TNFAIP6: variants seen among roughly 807,000 people sequenced by gnomAD.
TNFAIP6 encodes the protein tumor necrosis factor-inducible gene 6 protein.
A neutral mutation model predicts 33.7 loss-of-function variants in TNFAIP6; 36 were observed. The ratio of observed to expected loss-of-function variants is 1.07; its 90% CI spans 0.82 to 1.41. The LOEUF (loss-of-function observed/expected upper bound fraction) is 1.41. Among genes scored for constraint, TNFAIP6 ranks in the 40% most tolerant of loss-of-function variants. The pLI, the probability that TNFAIP6 is intolerant of heterozygous loss-of-function variation, is 0.00. For missense variants in TNFAIP6, 273 were observed against 331.9 expected, an observed-to-expected ratio of 0.82 and a Z score of 1.38; for synonymous variants, 113 against 112.8, an observed-to-expected ratio of 1.00 and a Z score of -0.01.
In TNFAIP6 at chr2:151,366,343, A is replaced by G. The variant is rs999272943; in HGVS notation, c.394+126A>G. The stretch of plus-strand genomic sequence containing the variant: ...TTGGTAATAATAACTACTACTAATA[A>G]CTACAATTCATAAAGTGCTTATACT... On this transcript the variant is annotated intron_variant, in intron 3 of 5. Coordinates refer to ENST00000243347, the MANE Select transcript of TNFAIP6 (RefSeq NM_007115.4). 5.1e-6 allele frequency: 4 copies of G among 787,518 alleles called. No homozygotes were observed. In the African/African-American group the frequency reaches 7.0e-5, roughly 14 times the overall value. 48.8% of individuals were successfully genotyped at this position (787,518 alleles called of 1,614,324 possible). A position where few individuals can be genotyped will look rare whatever the true frequency, so the allele number is the denominator to read the frequency against.
chr2:151,376,418 C>CAAA (rs34551708), intron 5 of TNFAIP6, among the ~76,000 whole-genome samples: 1 of 114,850 alleles, frequency 8.7e-6, no homozygotes, highest in Non-Finnish European at 1.8e-5. Flanking sequence ...TATTCTGTCT[C>CAAA]AAAAAAAAAA....
At chr2:151,364,275 T>A (rs544706621) in intron 2 of TNFAIP6, among the ~76,000 whole-genome samples, 195 bp downstream of exon 2, 1 of 152,290 alleles carries the variant, frequency 6.6e-6, no homozygotes, top group African/African-American at 2.4e-5. Context: ...CACCAACTTA[T>A]GTGGAGTCTT....
In TNFAIP6 at chr2:151,379,452, C is replaced by T. The variant is rs1485515216; in HGVS notation, c.753C>T (p.Ser251=). 9 of 1,604,396 alleles carry T rather than the reference C, an allele frequency of 5.6e-6. No individual in the cohort carries two copies. Among genetic ancestry groups the T allele is most frequent in the Non-Finnish European group, 7.7e-6 (9 of 1,176,066 alleles). The part of the protein sequence containing the change: ...QIKYVAMDPV[S]KSSQGKNTST... ...AATATGTTGCAATGGATCCTGTATC[C>T]AAATCCAGTCAAGGAAAAAATACAA... is the stretch of plus-strand genomic sequence containing the variant. The change falls in exon 6 of 6, where the codon TCC becomes TCT. Residue 251 remains serine (S), a synonymous_variant. Coordinates refer to ENST00000243347, the MANE Select transcript of TNFAIP6 (RefSeq NM_007115.4).
At chr2:151,375,618 G>T (rs911675194) in intron 5 of TNFAIP6, among the ~76,000 whole-genome samples, 5 of 151,716 alleles carry the variant, frequency 3.3e-5, no homozygotes, top group Non-Finnish European at 7.4e-5. Context: ...TGAGGCAGGA[G>T]AATCGCTTGA....
intron 5 of TNFAIP6, 169 bp downstream of exon 5, chr2:151,373,758 AAATT>A (rs1684854218): frequency 2.7e-6 from 1 of 367,486 alleles, no homozygotes; most frequent in Non-Finnish European, 4.9e-6. Flanking sequence ...AAAAAAAAAA[AAATT>A]AAAGATTTAT....
At chr2:151,377,186 T>C (rs564192921) in intron 5 of TNFAIP6, among the ~76,000 whole-genome samples, 113 of 151,628 alleles carry the variant, frequency 7.5e-4, no homozygotes, top group African/African-American at 2.6e-3. Context: ...TTCTTTTTTT[T>C]TGAGAGTGAG....
chr2:151,373,789 A>G (rs1684854705), intron 5 of TNFAIP6, 200 bp downstream of exon 5: 1 of 328,150 alleles, frequency 3.0e-6, no homozygotes, highest in South Asian at 1.4e-4. Context: ...TGCTTGCACT[A>G]AAAAATGTAT....
intron 4 of TNFAIP6, chr2:151,372,390 C>T (rs975962021): frequency 6.6e-6 from 1 of 152,040 alleles, no homozygotes; most frequent in African/African-American, 2.4e-5. Context: ...TTAGACTTTT[C>T]CTCTAGAATA....
intron 1 of TNFAIP6, 23 bp from the exon 2 acceptor site, chr2:151,363,920 T>C: frequency 6.2e-7 from 1 of 1,610,334 alleles, no homozygotes; most frequent in Non-Finnish European, 8.5e-7. Flanking sequence ...ACAGTGCTTT[T>C]ATGACATCAT....
intron 4 of TNFAIP6, among the ~76,000 whole-genome samples, chr2:151,370,549 T>C (rs1684799855): frequency 6.6e-6 from 1 of 151,988 alleles, no homozygotes; most frequent in South Asian, 2.1e-4. Flanking sequence ...CTTTTGATTA[T>C]GGCTAAGTTG....
chr2:151,369,465 T>G (rs1684774432), intron 3 of TNFAIP6, among the ~76,000 whole-genome samples: 1 of 152,096 alleles, frequency 6.6e-6, no homozygotes, highest in Admixed American at 6.5e-5. Flanking sequence ...ATTTTTTTCT[T>G]ACTATATTTA....
intron 5 of TNFAIP6, among the ~76,000 whole-genome samples, chr2:151,375,125 CAAAA>C (rs71403161): frequency 1.3e-5 from 1 of 78,930 alleles, no homozygotes; most frequent in Non-Finnish European, 2.3e-5. Flanking sequence ...AACTCCGTCT[CAAAA>C]AAAAAAAAAA....
chr2:151,369,534 G>A (rs1684775382), intron 3 of TNFAIP6, among the ~76,000 whole-genome samples: 1 of 151,984 alleles, frequency 6.6e-6, no homozygotes. Context: ...AGCACTTTCA[G>A]AGGCAGAGGC....
At chr2:151,365,217 C>T (rs1684689994) in intron 2 of TNFAIP6, among the ~76,000 whole-genome samples, 1 of 152,106 alleles carries the variant, frequency 6.6e-6, no homozygotes, top group Non-Finnish European at 1.5e-5. Context: ...GTGATGCACA[C>T]CTGTGGTCAC....
chr2:151,366,922 C>T (rs527663565), intron 3 of TNFAIP6, among the ~76,000 whole-genome samples: 38 of 152,032 alleles, frequency 2.5e-4, no homozygotes, highest in Non-Finnish European at 4.1e-4. Flanking sequence ...TCTTAGGTCA[C>T]GTTCTTGGAG....
intron 5 of TNFAIP6, among the ~76,000 whole-genome samples, chr2:151,376,865 CTTTTTTTTTTTT>C (rs71403162): frequency 8.8e-6 from 1 of 114,162 alleles, no homozygotes; most frequent in Non-Finnish European, 1.7e-5. Context: ...TTTTTCTTTT[CTTTTTTTTTTTT>C]TTTTTTTTGT....
intron 3 of TNFAIP6, among the ~76,000 whole-genome samples, chr2:151,369,253 G>T (rs1178672342): frequency 6.6e-6 from 1 of 152,022 alleles, no homozygotes; most frequent in African/African-American, 2.4e-5. Flanking sequence ...TGCCTTAAAA[G>T]ATAAAATAAA....
intron 1 of TNFAIP6, among the ~76,000 whole-genome samples, chr2:151,361,487 G>C (rs1246713979): frequency 6.6e-6 from 1 of 152,128 alleles, no homozygotes; most frequent in African/African-American, 2.4e-5. Context: ...TACAAAATTT[G>C]TTTTCAAATA....
Position 151,379,394 on chromosome 2 carries a change from A to G in TNFAIP6, c.695A>G (p.Asp232Gly). The G allele has an allele frequency of 6.2e-7, 1 of 1,604,030 alleles. No individual in the cohort carries two copies. Among genetic ancestry groups the G allele is most frequent in the Non-Finnish European group, 8.5e-7 (1 of 1,176,578 alleles). ...GTCATGACCTTGAAGTTTCTAAGTG[A>G]TGCTTCAGTGACAGCTGGAGGTTTC... is the stretch of plus-strand genomic sequence containing the variant. The part of the protein sequence containing the change: ...GNVMTLKFLS[D>G]ASVTAGGFQI... The change falls in exon 6 of 6, where the codon GAT becomes GGT. Residue 232 changes from aspartate to glycine, a missense_variant. By Grantham distance (94) the Asp-to-Gly change is moderately conservative. Transcript: ENST00000243347.
Sources: gnomAD v4.1 joint callset for allele counts (sites outside exome capture counted in the v4.1 genomes callset) on GRCh38, gnomAD v4.1.1 for gene constraint, MANE v1.5 for transcripts, NCBI Gene and HGNC (gene_info 2026-07-23, HGNC 2026-07-21) for gene names.